EFNA5: variants seen among roughly 807,000 people sequenced by gnomAD.
EFNA5 encodes the protein ephrin A5.
A neutral mutation model predicts 22.9 loss-of-function variants in EFNA5; 5 were observed. The observed-to-expected ratio is 0.22, with a 90% confidence interval of 0.11 to 0.46. The LOEUF (loss-of-function observed/expected upper bound fraction) is 0.46, where lower values mean the gene tolerates loss of function less well. EFNA5 is among the 20% of genes least tolerant of loss of function. The pLI, the probability that EFNA5 is intolerant of heterozygous loss-of-function variation, is 0.99. For missense variants in EFNA5, 237 were observed against 293.3 expected (o/e 0.81, Z 1.40); for synonymous variants, 113 against 112.2 (o/e 1.01, Z -0.04).
intron 1 of EFNA5, among the ~76,000 whole-genome samples, chr5:107,516,058 G>A (rs1042209574): frequency 1.4e-4 from 21 of 152,046 alleles, no homozygotes; most frequent in Admixed American, 8.5e-4. Flanking sequence ...ACGCTGAAGC[G>A]CAGTGGTATA....
chr5:107,381,215 C>T lies in EFNA5; in HGVS notation c.*40G>A, dbSNP rs770076849. 1 of 1,590,322 alleles carries T rather than the reference C, an allele frequency of 6.3e-7. No individual in the cohort carries two copies. Among genetic ancestry groups the T allele is most frequent in the South Asian group, 1.1e-5 (1 of 89,042 alleles). The stretch of plus-strand genomic sequence containing the variant: ...TAGGTGGATCTCTGGTGTTCCAAGA[C>T]CCTGATGTTTTCTGTGACAAGTGAT... On this transcript the variant is annotated 3_prime_UTR_variant, in exon 5 of 5. Transcript: ENST00000333274.
At chr5:107,668,415 A>G (rs946908109) in intron 1 of EFNA5, among the ~76,000 whole-genome samples, 4 of 152,250 alleles carry the variant, frequency 2.6e-5, no homozygotes, top group African/African-American at 9.6e-5. Flanking sequence ...AACAGTATCA[A>G]AAGCACAAAA....
chr5:107,645,676 C>T (rs1750621511), intron 1 of EFNA5, among the ~76,000 whole-genome samples: 1 of 152,158 alleles, frequency 6.6e-6, no homozygotes, highest in East Asian at 1.9e-4. Context: ...TACTTAAAGT[C>T]ATGAATTCTT....
intron 1 of EFNA5, among the ~76,000 whole-genome samples, chr5:107,441,348 C>T (rs1749251723): frequency 6.6e-6 from 1 of 152,206 alleles, no homozygotes; most frequent in Non-Finnish European, 1.5e-5. Flanking sequence ...AGTATACCCA[C>T]TCTTGGTGCT....
chr5:107,433,836 G>A (rs1386663658), intron 1 of EFNA5, among the ~76,000 whole-genome samples: 1 of 151,782 alleles, frequency 6.6e-6, no homozygotes, highest in South Asian at 2.1e-4. Context: ...CAGAGGCAGA[G>A]GTTGTAGTGA....
At chr5:107,393,047 T>A (rs1324482797) in intron 2 of EFNA5, among the ~76,000 whole-genome samples, 2 of 152,256 alleles carry the variant, frequency 1.3e-5, no homozygotes, top group African/African-American at 4.8e-5. Flanking sequence ...TCTTTGCAAT[T>A]AGCATGATGT....
intron 1 of EFNA5, among the ~76,000 whole-genome samples, chr5:107,606,609 T>A (rs1023773297): frequency 1.3e-5 from 2 of 151,598 alleles, no homozygotes; most frequent in African/African-American, 4.9e-5. Context: ...TATAGCAGAA[T>A]TTTTATCTGA....
intron 1 of EFNA5, among the ~76,000 whole-genome samples, chr5:107,550,932 G>C (rs947464898): frequency 1.3e-5 from 2 of 152,116 alleles, no homozygotes; most frequent in African/African-American, 4.8e-5. Context: ...AAAAGCTTTA[G>C]TATACAAATA....
intron 1 of EFNA5, among the ~76,000 whole-genome samples, chr5:107,584,797 C>T (rs1051518309): frequency 7.2e-5 from 11 of 152,080 alleles, no homozygotes; most frequent in Admixed American, 4.6e-4. Flanking sequence ...AACAAATGAA[C>T]GAATGAACCC....
At chr5:107,488,695 A>T (rs1746714563) in intron 1 of EFNA5, among the ~76,000 whole-genome samples, 1 of 150,794 alleles carries the variant, frequency 6.6e-6, no homozygotes, top group African/African-American at 2.5e-5. Flanking sequence ...AAACAAAAAA[A>T]CTCTTTTTTT....
At chr5:107,545,826 C>T (rs1279406596) in intron 1 of EFNA5, among the ~76,000 whole-genome samples, 2 of 152,164 alleles carry the variant, frequency 1.3e-5, no homozygotes, top group African/African-American at 4.8e-5. Flanking sequence ...TTTGGAAAGC[C>T]ATTCGTTTTT....
intron 1 of EFNA5, among the ~76,000 whole-genome samples, chr5:107,665,769 T>C (rs905044913): frequency 1.3e-5 from 2 of 152,274 alleles, no homozygotes; most frequent in East Asian, 1.9e-4. Flanking sequence ...CAAAATTCTA[T>C]GGAAAACTCA....
chr5:107,610,671 G>C (rs746722814), intron 1 of EFNA5, among the ~76,000 whole-genome samples: 1 of 151,818 alleles, frequency 6.6e-6, no homozygotes, highest in Non-Finnish European at 1.5e-5. Flanking sequence ...TTATTTTTCA[G>C]TGCATACAGT....
At chr5:107,601,856 C>G (rs150875101) in intron 1 of EFNA5, among the ~76,000 whole-genome samples, 55 of 152,240 alleles carry the variant, frequency 3.6e-4, no homozygotes, top group African/African-American at 1.2e-3. Flanking sequence ...GATGATGACT[C>G]GTTGAGACAA....
At chr5:107,394,288 C>A (rs542162744) in intron 2 of EFNA5, among the ~76,000 whole-genome samples, 12 of 152,128 alleles carry the variant, frequency 7.9e-5, no homozygotes, top group Admixed American at 2.0e-4. Context: ...AGACTTAAAT[C>A]ATGGGCAGGT....
intron 2 of EFNA5, among the ~76,000 whole-genome samples, chr5:107,426,166 C>G (rs1005805512): frequency 2.6e-5 from 4 of 152,228 alleles, no homozygotes; most frequent in African/African-American, 9.6e-5. Context: ...CATCCCCCAG[C>G]ATTTCTCAGC....
At chr5:107,638,022 A>T (rs1404095333) in intron 1 of EFNA5, among the ~76,000 whole-genome samples, 1 of 144,474 alleles carries the variant, frequency 6.9e-6, no homozygotes, top group South Asian at 2.2e-4. Context: ...AATTTTTTGT[A>T]TTTTTTTTTT....
intron 1 of EFNA5, among the ~76,000 whole-genome samples, chr5:107,603,292 A>G (rs1027323860): frequency 5.3e-5 from 8 of 152,204 alleles, no homozygotes; most frequent in Non-Finnish European, 1.0e-4. Flanking sequence ...TTCCAGTCTT[A>G]GCTTAGAAAG....
chr5:107,560,916 T>C (rs2484103), intron 1 of EFNA5, among the ~76,000 whole-genome samples: 37,832 of 152,166 alleles, frequency 0.25, 5,187 homozygotes, highest in South Asian at 0.41. Flanking sequence ...AGTTCTGTAA[T>C]GTGAGCGCCA....
Sources: gnomAD v4.1 joint callset for allele counts (sites outside exome capture counted in the v4.1 genomes callset) on GRCh38, gnomAD v4.1.1 for gene constraint, MANE v1.5 for transcripts, NCBI Gene and HGNC (gene_info 2026-07-23, HGNC 2026-07-21) for gene names.